KLF5: variants seen among roughly 807,000 people sequenced by gnomAD.
KLF5 encodes the protein Krueppel-like factor 5.
A neutral mutation model predicts 36.9 loss-of-function variants in KLF5; 9 were observed. The observed-to-expected ratio is 0.24, with a 90% confidence interval of 0.15 to 0.43. KLF5 has a LOEUF of 0.43. Ranked by LOEUF, KLF5 falls within the 20% of genes least tolerant of loss-of-function variation. KLF5 has a pLI of 1.00. For synonymous variants in KLF5, 246 were observed against 241.7 expected, an observed-to-expected ratio of 1.02 and a Z score of -0.17; for missense variants, 524 against 599.5, an observed-to-expected ratio of 0.87 and a Z score of 1.31.
intron 2 of KLF5, among the ~76,000 whole-genome samples, chr13:73,063,601 ATCTGTAT>A (rs916424536): frequency 6.6e-6 from 1 of 152,198 alleles, no homozygotes; most frequent in Non-Finnish European, 1.5e-5. Flanking sequence ...TGGCTTGATT[ATCTGTAT>A]TCTTTCCTGT....
chr13:73,067,768 G>A (rs2139111595), intron 3 of KLF5, among the ~76,000 whole-genome samples: 1 of 151,988 alleles, frequency 6.6e-6, no homozygotes, highest in Non-Finnish European at 1.5e-5. Context: ...AATGGAAAAG[G>A]ACAATTTGAA....
chr13:73,062,449 T>G lies in KLF5; in HGVS notation c.850T>G (p.Cys284Gly). 6.2e-7 allele frequency: 1 copy of G among 1,614,172 alleles called. No homozygotes were observed. The highest frequency in any genetic ancestry group is 8.5e-7 in the Non-Finnish European group (1 of 1,180,024). ...AVKQFQGMPP[C>G]TYTMPSQFLP... ...GAAACAATTCCAGGGCATGCCCCCT[T>G]GCACATACACAATGCCAAGTCAGTT... Residue 284 changes from cysteine (C) to glycine (G), a missense_variant, in exon 2 of 4, where the codon TGC becomes GGC. By Grantham distance (159) the Cys-to-Gly change is radical. Transcript: ENST00000377687.
At chr13:73,061,672 A>G (rs1349732733) in intron 1 of KLF5, among the ~76,000 whole-genome samples, 189 bp from the exon 2 acceptor site, 1 of 152,154 alleles carries the variant, frequency 6.6e-6, no homozygotes. Flanking sequence ...ACAGAGTTTC[A>G]TAAGGTTTTG....
chr13:73,066,328 T>TC (rs989015612), intron 3 of KLF5, among the ~76,000 whole-genome samples: 7 of 151,936 alleles, frequency 4.6e-5, no homozygotes, highest in African/African-American at 1.7e-4. Context: ...GGTGTTTTTT[T>TC]TTTTTCTTTC....
intron 3 of KLF5, among the ~76,000 whole-genome samples, chr13:73,067,612 A>C (rs3782933): frequency 6.6e-6 from 1 of 151,798 alleles, no homozygotes; most frequent in Non-Finnish European, 1.5e-5. Flanking sequence ...CGTTTCAGCT[A>C]TCTGGAACAG....
At chr13:73,063,784 A>G (rs756386771) in intron 2 of KLF5, 40 bp from the exon 3 acceptor site, 3 of 1,375,296 alleles carry the variant, frequency 2.2e-6, no homozygotes, top group Non-Finnish European at 3.1e-6. Context: ...AAGATTTCAA[A>G]AGGATCTCCA....
chr13:73,076,888 C>T lies in KLF5; in HGVS notation c.*1002C>T, dbSNP rs560203090. 2.5e-4 allele frequency: 38 copies of T among 152,228 alleles called. No individual in the cohort carries two copies. The highest frequency in any genetic ancestry group is 8.9e-4 in the African/African-American group (37 of 41,534). 9.4% of individuals were successfully genotyped at this position (152,228 alleles called of 1,614,324 possible). On this transcript the variant is annotated 3_prime_UTR_variant, in exon 4 of 4. Transcript: ENST00000377687. The stretch of plus-strand genomic sequence containing the variant: ...TCATATATCGAGATGTTCGCTCGTG[C>T]AGTACTGTTGGTTAAATGACAATTT...
At chr13:73,058,991 C>T (rs1052706129), upstream of KLF5, 33 of 203,354 alleles carry the variant, frequency 1.6e-4, no homozygotes, top group East Asian at 3.4e-3. Context: ...TAGAGGCGGG[C>T]GTCAAGTGTC....
chr13:73,077,307 G>A lies in KLF5; in HGVS notation c.*1421G>A, dbSNP rs2044771085. The A allele has an allele frequency of 6.6e-6, 1 of 152,586 alleles. No individual in the cohort carries two copies. The highest frequency in any genetic ancestry group is 1.5e-5 in the Non-Finnish European group (1 of 68,022). 9.5% of individuals were successfully genotyped at this position (152,586 alleles called of 1,614,324 possible). Reference sequence around the variant, plus strand: ...AAGATGTAAATAGATGACAAACGATGTAAATAATTTTGTAAGAGGCTTCAA... The same window carrying A: ...AAGATGTAAATAGATGACAAACGATATAAATAATTTTGTAAGAGGCTTCAA... On this transcript the variant is annotated 3_prime_UTR_variant, in exon 4 of 4. Transcript: ENST00000377687.
At chr13:73,055,661 C>A (rs1443304837), upstream of KLF5, among the ~76,000 whole-genome samples, 1 of 152,148 alleles carries the variant, frequency 6.6e-6, no homozygotes, top group African/African-American at 2.4e-5. Context: ...TAAGTTTTCA[C>A]TGATACAGAT....
chr13:73,075,666 A>T (rs1308060227), intron 3 of KLF5, 42 bp from the exon 4 acceptor site: 11 of 1,514,544 alleles, frequency 7.3e-6, no homozygotes, highest in Non-Finnish European at 2.7e-6. Context: ...GGATGTTTGC[A>T]TTACAAGCAG....
chr13:73,063,983 CTTTG>C lies in KLF5; in HGVS notation c.1195+104_1195+107del, dbSNP rs1450188310. The C allele has an allele frequency of 5.5e-4, 194 of 351,224 alleles. 3 individuals carry two copies. Among genetic ancestry groups the C allele is most frequent in the East Asian group, 1.1e-3 (21 of 19,288 alleles). The allele number at this position is 351,224 out of a possible 1,614,324, so 21.8% of individuals were successfully genotyped here. On this transcript the variant is annotated intron_variant, in intron 3 of 3. Transcript: ENST00000377687. ...CGTGTTTGATCTCTTCTCCTGTCAA[CTTTG>C]TTTTTTTTTTTTTTTTTAAATAGCC...
At chr13:73,055,178 T>A (rs1434130151), upstream of KLF5, 1 of 152,158 alleles carries the variant, frequency 6.6e-6, no homozygotes, top group African/African-American at 2.4e-5. Flanking sequence ...TCCTGTTTTT[T>A]TGGATATTAT....
At chr13:73,071,352 G>C (rs926330865) in intron 3 of KLF5, among the ~76,000 whole-genome samples, 1 of 152,146 alleles carries the variant, frequency 6.6e-6, no homozygotes, top group Non-Finnish European at 1.5e-5. Context: ...GGTTGAATGG[G>C]CACAATATTG....
chr13:73,062,419 G>A lies in KLF5; in HGVS notation c.820G>A (p.Ala274Thr), dbSNP rs1310465796. ...ACACACCTCTGCTGTTCCGCAGACT[G>A]CAGTGAAACAATTCCAGGGCATGCC... is the stretch of plus-strand genomic sequence containing the variant. ...NTHTSAVPQT[A>T]VKQFQGMPPC... Residue 274 changes from alanine to threonine, a missense_variant, in exon 2 of 4, where the codon GCA becomes ACA. Ala to Thr is a moderately conservative substitution (Grantham distance 58). Transcript: ENST00000377687. 6.2e-7 allele frequency: 1 copy of A among 1,614,184 alleles called. No individual in the cohort carries two copies. The highest frequency in any genetic ancestry group is 1.7e-5 in the Admixed American group (1 of 60,022).
Position 73,077,333 on chromosome 13 carries a change from A to C in KLF5, c.*1447A>C, listed in dbSNP as rs900675755. 2.6e-4 allele frequency: 39 copies of C among 152,768 alleles called. No homozygotes were observed. The highest frequency in any genetic ancestry group is 9.4e-4 in the African/African-American group (39 of 41,564). 9.5% of individuals were successfully genotyped at this position (152,768 alleles called of 1,614,324 possible). A position where few individuals can be genotyped will look rare whatever the true frequency, so the allele number is the denominator to read the frequency against. On this transcript the variant is annotated 3_prime_UTR_variant, in exon 4 of 4. Coordinates refer to ENST00000377687, the MANE Select transcript of KLF5 (RefSeq NM_001730.5). ...TAAATAATTTTGTAAGAGGCTTCAA[A>C]ATGTTTATACGTGGAAACACACCTA...
At position 73,059,185 on chromosome 13, in the gene KLF5, A is replaced by G; in HGVS notation, c.-143A>G. The G allele has an allele frequency of 2.7e-6, 2 of 743,392 alleles. No individual in the cohort carries two copies. The highest frequency in any genetic ancestry group is 3.7e-6 in the Non-Finnish European group (2 of 539,568). 46.0% of individuals were successfully genotyped at this position (743,392 alleles called of 1,614,324 possible). A position where few individuals can be genotyped will look rare whatever the true frequency, so the allele number is the denominator to read the frequency against. On this transcript the variant is annotated 5_prime_UTR_variant, in exon 1 of 4. Transcript: ENST00000377687. ...TTGCTTTTCGTGCGCGCCTTCGAAA[A>G]CTGCCTGCCGCTGTCTGAGGAGTCC... is the stretch of plus-strand genomic sequence containing the variant.
In KLF5 at chr13:73,071,536, C is replaced by T. The variant is rs1045178087; in HGVS notation, c.1196-4172C>T. Among the ~76,000 whole-genome samples the T allele has an allele frequency of 2.6e-5, 4 of 151,668 alleles. No individual in the cohort carries two copies. In the South Asian group the frequency reaches 8.4e-4, roughly 32 times the overall value. On this transcript the variant is annotated intron_variant, in intron 3 of 3. Coordinates refer to ENST00000377687, the MANE Select transcript of KLF5 (RefSeq NM_001730.5). ...AAAATATGAATTAGTGAGCTAAAAT[C>T]ATCCTCCTACTTTATCTCTTTTCTT...
rs557828739 is a variant in KLF5, at chr13:73,077,391, T to G, written c.*1505T>G. ...AGCAGAAATCGGTTGCTGTTTTGCT[T>G]CTTTTTCCCTCTTATTTTTGTATTG... On this transcript the variant is annotated 3_prime_UTR_variant, in exon 4 of 4. Coordinates refer to ENST00000377687, the MANE Select transcript of KLF5 (RefSeq NM_001730.5). 3.3e-5 allele frequency: 5 copies of G among 152,802 alleles called. No homozygotes were observed. Among genetic ancestry groups the G allele is most frequent in the South Asian group, 4.1e-4 (2 of 4,828 alleles). The allele number at this position is 152,802 out of a possible 1,614,324, so 9.5% of individuals were successfully genotyped here. A position where few individuals can be genotyped will look rare whatever the true frequency, so the allele number is the denominator to read the frequency against.
Sources: allele counts gnomAD v4.1 joint callset (sites outside exome capture counted in the v4.1 genomes callset), GRCh38; gene constraint gnomAD v4.1.1; transcripts MANE v1.5; gene names NCBI Gene and HGNC (gene_info 2026-07-23, HGNC 2026-07-21).